The following ARID4B variants were observed in gnomAD, a reference collection of about 807,000 sequenced individuals.
The protein encoded by ARID4B is AT-rich interactive domain-containing protein 4B.
Under a neutral mutation model 147.5 loss-of-function variants are expected in ARID4B, and 26 were observed. That is an observed-to-expected ratio of 0.18 (90% CI 0.13 to 0.24). The LOEUF (loss-of-function observed/expected upper bound fraction) is 0.24. Among genes scored for constraint, ARID4B ranks in the 10% least tolerant of loss-of-function variants. The pLI is 1.00. For missense variants in ARID4B, 1,179 were observed against 1,511.5 expected, an observed-to-expected ratio of 0.78 and a Z score of 3.65; for synonymous variants, 512 against 507.9, an observed-to-expected ratio of 1.01 and a Z score of -0.11.
intron 19 of ARID4B, among the ~76,000 whole-genome samples, chr1:235,190,634 C>T (rs1007483384): frequency 1.3e-5 from 2 of 152,144 alleles, no homozygotes; most frequent in African/African-American, 4.8e-5. Context: ...TCCAGCCAAA[C>T]TATGAATAGA....
intron 18 of ARID4B, among the ~76,000 whole-genome samples, chr1:235,194,799 A>G (rs1390861334): frequency 2.0e-5 from 3 of 152,196 alleles, no homozygotes; most frequent in Non-Finnish European, 1.5e-5. Context: ...AGCCTGGGCA[A>G]CAAGAGTGAA....
At chr1:235,293,559 T>C (rs1455205044) in intron 2 of ARID4B, among the ~76,000 whole-genome samples, 1 of 152,068 alleles carries the variant, frequency 6.6e-6, no homozygotes, top group Non-Finnish European at 1.5e-5. Context: ...CTATAGATAG[T>C]ATAAATTGTA....
At chr1:235,252,011 A>C (rs1669676684) in intron 6 of ARID4B, among the ~76,000 whole-genome samples, 1 of 152,222 alleles carries the variant, frequency 6.6e-6, no homozygotes, top group Non-Finnish European at 1.5e-5. Flanking sequence ...TAACTACCTC[A>C]TAATGTTGCA....
intron 2 of ARID4B, among the ~76,000 whole-genome samples, chr1:235,302,258 A>C: frequency 1.2e-5 from 1 of 82,314 alleles, no homozygotes; most frequent in African/African-American, 4.1e-5. Context: ...GGGAGGGGGA[A>C]GTGTAAAGGG....
At chr1:235,233,989 G>T (rs2103055677) in intron 9 of ARID4B, among the ~76,000 whole-genome samples, 1 of 152,300 alleles carries the variant, frequency 6.6e-6, no homozygotes, top group South Asian at 2.1e-4. Context: ...TGAGGCAGGA[G>T]AATAGCTTGA....
intron 2 of ARID4B, among the ~76,000 whole-genome samples, chr1:235,283,076 G>A (rs775100756): frequency 6.6e-6 from 1 of 152,102 alleles, no homozygotes; most frequent in Non-Finnish European, 1.5e-5. Flanking sequence ...GCACCTGGCC[G>A]ATACTACTTC....
At chr1:235,291,638 C>T (rs922013187) in intron 2 of ARID4B, among the ~76,000 whole-genome samples, 4 of 151,956 alleles carry the variant, frequency 2.6e-5, no homozygotes, top group Non-Finnish European at 5.9e-5. Context: ...GAATTTGAGA[C>T]TGGCCTGGCC....
intron 2 of ARID4B, among the ~76,000 whole-genome samples, chr1:235,284,549 A>G (rs981169372): frequency 5.9e-5 from 9 of 152,214 alleles, no homozygotes; most frequent in Non-Finnish European, 4.4e-5. Flanking sequence ...ATTGCTGGGC[A>G]CAGTGGCTCA....
chr1:235,324,401 G>C (rs996127319), intron 2 of ARID4B, among the ~76,000 whole-genome samples: 1 of 152,124 alleles, frequency 6.6e-6, no homozygotes, highest in African/African-American at 2.4e-5. Flanking sequence ...AATTCTTAAA[G>C]GTAGTACATG....
intron 19 of ARID4B, among the ~76,000 whole-genome samples, chr1:235,193,410 T>A (rs1665262816): frequency 6.6e-6 from 1 of 152,112 alleles, no homozygotes. Context: ...GAAACAGAGA[T>A]CATAATAGTC....
At chr1:235,188,739 C>A (rs1476570834) in intron 19 of ARID4B, among the ~76,000 whole-genome samples, 1 of 152,132 alleles carries the variant, frequency 6.6e-6, no homozygotes, top group Non-Finnish European at 1.5e-5. Context: ...TGGAAGCCAA[C>A]TAGTCTAAGA....
chr1:235,255,423 T>TA (rs1320032929), intron 5 of ARID4B, among the ~76,000 whole-genome samples: 11 of 151,998 alleles, frequency 7.2e-5, no homozygotes, highest in African/African-American at 2.4e-4. Context: ...TACTTTGAAG[T>TA]AAAAAAAGCT....
chr1:235,294,851 T>C (rs1009363164), intron 2 of ARID4B, among the ~76,000 whole-genome samples: 1 of 151,602 alleles, frequency 6.6e-6, no homozygotes, highest in African/African-American at 2.4e-5. Flanking sequence ...TTTGAAACCA[T>C]GTAAATATTT....
intron 2 of ARID4B, among the ~76,000 whole-genome samples, chr1:235,309,239 CA>C: frequency 6.7e-6 from 1 of 149,770 alleles, no homozygotes; most frequent in South Asian, 2.2e-4. Context: ...CTCCACCTGG[CA>C]ACCGCCCCAT....
intron 17 of ARID4B, among the ~76,000 whole-genome samples, chr1:235,196,768 G>A (rs574547172): frequency 1.5e-4 from 23 of 150,556 alleles, no homozygotes; most frequent in Admixed American, 6.7e-4. Context: ...CAGAAGAATC[G>A]TGTGAACCCA....
At chr1:235,169,653 A>G (rs1571879911) in intron 23 of ARID4B, among the ~76,000 whole-genome samples, 1 of 148,040 alleles carries the variant, frequency 6.8e-6, no homozygotes, top group Admixed American at 6.8e-5. Flanking sequence ...CTCCTGCCTC[A>G]GCCTCCTTTT....
intron 2 of ARID4B, among the ~76,000 whole-genome samples, chr1:235,275,035 A>T (rs2103157473): frequency 6.6e-6 from 1 of 151,664 alleles, no homozygotes; most frequent in Non-Finnish European, 1.5e-5. Context: ...ACGCGCGCAG[A>T]CCGCTCTGCC....
intron 21 of ARID4B, chr1:235,175,607 A>T: frequency 1.8e-6 from 1 of 541,212 alleles, no homozygotes; most frequent in Middle Eastern, 4.9e-4. Flanking sequence ...AATAATATGT[A>T]TACTTTTAAA....
At chr1:235,202,671 C>G (rs1214254405) in intron 17 of ARID4B, among the ~76,000 whole-genome samples, 1 of 151,546 alleles carries the variant, frequency 6.6e-6, no homozygotes, top group Non-Finnish European at 1.5e-5. Flanking sequence ...TGCCTCAGCC[C>G]CCTGAGTAGC....
Sources: gnomAD v4.1 joint callset for allele counts (sites outside exome capture counted in the v4.1 genomes callset) on GRCh38, gnomAD v4.1.1 for gene constraint, MANE v1.5 for transcripts, NCBI Gene and HGNC (gene_info 2026-07-23, HGNC 2026-07-21) for gene names.